COPA: variants seen among roughly 807,000 people sequenced by gnomAD.
The protein encoded by COPA is coat protein complex I subunit alpha, also known as coatomer subunit alpha.
In COPA, 10 loss-of-function variants were observed where a neutral mutation model predicts 158.7. That is an observed-to-expected ratio of 0.06 (90% CI 0.04 to 0.11). The LOEUF (loss-of-function observed/expected upper bound fraction) is 0.11. Ranked by LOEUF, COPA falls within the 10% of genes least tolerant of loss-of-function variation. The pLI, the probability that COPA is intolerant of heterozygous loss-of-function variation, is 1.00. For synonymous variants in COPA, 462 were observed against 542.8 expected, an observed-to-expected ratio of 0.85 and a Z score of 2.07; for missense variants, 1,065 against 1,536.7, an observed-to-expected ratio of 0.69 and a Z score of 5.13.
intron 15 of COPA, chr1:160,306,042 C>G: frequency 1.7e-6 from 1 of 572,774 alleles, no homozygotes; most frequent in East Asian, 2.9e-5. Context: ...CACCACTGGA[C>G]TGCAAGCTCC....
In COPA at chr1:160,335,309, T is replaced by C; in HGVS notation, c.242A>G (p.Lys81Arg). Residue 81 changes from lysine (K) to arginine (R), a missense_variant, in exon 4 of 33, where the codon AAG becomes AGG. Physicochemically the swap from Lys to Arg is conservative, Grantham distance 26. Coordinates refer to ENST00000241704, the MANE Select transcript of COPA (RefSeq NM_004371.4). ...CAATGTGAAAAGACAGCGCCGAAGC[T>C]TGTAATTCCAAACCTGCAAAGACAA... ...DDYKIKVWNY[K>R]LRRCLFTLLG... is the part of the protein sequence containing the mutation. 1.2e-6 allele frequency: 2 copies of C among 1,611,086 alleles called. No individual in the cohort carries two copies. Among genetic ancestry groups the C allele is most frequent in the Non-Finnish European group, 1.7e-6 (2 of 1,178,638 alleles).
At chr1:160,316,870 G>C (rs1284662810) in intron 8 of COPA, among the ~76,000 whole-genome samples, 4 of 152,008 alleles carry the variant, frequency 2.6e-5, no homozygotes, top group Non-Finnish European at 5.9e-5. Context: ...GAAATATCCA[G>C]GTACAGGAAG....
At chr1:160,330,638 G>A (rs962619054) in intron 6 of COPA, among the ~76,000 whole-genome samples, 7 of 152,120 alleles carry the variant, frequency 4.6e-5, no homozygotes, top group African/African-American at 1.7e-4. Context: ...TTTTCAGCTT[G>A]CTGTTCATTA....
chr1:160,300,682 G>C (rs1363955555), intron 17 of COPA, among the ~76,000 whole-genome samples: 1 of 152,068 alleles, frequency 6.6e-6, no homozygotes, highest in Non-Finnish European at 1.5e-5. Context: ...AGTAAGAAAA[G>C]GGAAAATTAC....
At position 160,298,880 on chromosome 1, in the gene COPA, G is replaced by A. The variant is rs1049665620; in HGVS notation, c.1942C>T (p.Arg648Cys). Residue 648 changes from arginine to cysteine, a missense_variant, in exon 19 of 33, where the codon CGC becomes TGC. Physicochemically the swap from Arg to Cys is radical, Grantham distance 180 (BLOSUM62 -3). Around this residue, in one of 2 missense-constraint regions of COPA, gnomAD observed 980 missense variants for 1,357.8 expected, o/e 0.72. Coordinates refer to ENST00000241704, the MANE Select transcript of COPA (RefSeq NM_004371.4). Reference sequence around the variant, plus strand: ...CCACACTCCAGTGCCAGACTAAAGCGAGTTTTCTCATCCTTGACAAAATGC... The same window carrying A: ...CCACACTCCAGTGCCAGACTAAAGCAAGTTTTCTCATCCTTGACAAAATGC... ...ALHFVKDEKTRFSLALECGNI... is the reference protein window; with the variant it reads ...ALHFVKDEKTCFSLALECGNI... 20 of 1,613,978 alleles carry A rather than the reference G, an allele frequency of 1.2e-5. No homozygotes were observed. Among genetic ancestry groups the A allele is most frequent in the African/African-American group, 2.7e-5 (2 of 74,890 alleles).
intron 12 of COPA, 28 bp from the exon 13 acceptor site, chr1:160,309,204 G>C: frequency 6.4e-7 from 1 of 1,565,044 alleles, no homozygotes; most frequent in Non-Finnish European, 8.8e-7. Flanking sequence ...AAATTAAAAT[G>C]TTAGTGAGAA....
rs1658763770 is a variant in COPA at position 160,305,721 on chromosome 1, C to G, written c.1495G>C (p.Asp499His). The G allele has an allele frequency of 6.2e-7, 1 of 1,614,140 alleles. No individual in the cohort carries two copies. Among genetic ancestry groups the G allele is most frequent in the East Asian group, 2.2e-5 (1 of 44,886 alleles). Residue 499 changes from aspartate to histidine, a missense_variant, in exon 16 of 33, where the codon GAC (aspartate) becomes CAC (histidine). By Grantham distance (81) the Asp-to-His change is moderately conservative. This residue lies in a region of COPA where 980 missense variants were observed against 1,357.8 expected (regional missense o/e 0.72). Coordinates refer to ENST00000241704, the MANE Select transcript of COPA (RefSeq NM_004371.4). Reference protein sequence around the residue: ...SKVKYVIWSADMSHVALLAKH... With the variant: ...SKVKYVIWSAHMSHVALLAKH... Reference sequence around the variant, plus strand: ...GCTAGTAGTGCTACATGTGACATGTCTGCTGACCAGATAACGTATTTCACT... The same window carrying G: ...GCTAGTAGTGCTACATGTGACATGTGTGCTGACCAGATAACGTATTTCACT...
At chr1:160,320,317 T>C (rs1409457298) in intron 8 of COPA, among the ~76,000 whole-genome samples, 1 of 151,900 alleles carries the variant, frequency 6.6e-6, no homozygotes, top group Non-Finnish European at 1.5e-5. Flanking sequence ...CCTACAAAGA[T>C]TGAACCACGA....
At chr1:160,318,915 T>C (rs372975963) in intron 8 of COPA, among the ~76,000 whole-genome samples, 1 of 151,442 alleles carries the variant, frequency 6.6e-6, no homozygotes, top group Non-Finnish European at 1.5e-5. Context: ...TTAAGACATA[T>C]TACCAAAGAA....
At chr1:160,329,785 T>C (rs1647417935) in intron 6 of COPA, among the ~76,000 whole-genome samples, 1 of 152,164 alleles carries the variant, frequency 6.6e-6, no homozygotes, top group Admixed American at 6.5e-5. Flanking sequence ...AGCACTTAAT[T>C]CTCTCACAGA....
intron 9 of COPA, 94 bp downstream of exon 9, chr1:160,313,896 T>A (rs899837650): frequency 9.3e-6 from 11 of 1,183,534 alleles, no homozygotes; most frequent in Non-Finnish European, 1.3e-5. Context: ...TTTGTCTACA[T>A]GCTGAAGATG....
intron 6 of COPA, among the ~76,000 whole-genome samples, chr1:160,327,248 A>C (rs1430800192): frequency 6.6e-6 from 1 of 152,212 alleles, no homozygotes; most frequent in Non-Finnish European, 1.5e-5. Flanking sequence ...TGAAAATAAA[A>C]CCTAAAGGCT....
chr1:160,290,268 C>G, intron 32 of COPA, 52 bp from the exon 33 acceptor site: 2 of 1,601,106 alleles, frequency 1.2e-6, no homozygotes, highest in Non-Finnish European at 1.7e-6. Flanking sequence ...GATTGAGAAC[C>G]CTAGAAAATG....
intron 20 of COPA, 38 bp from the exon 21 acceptor site, chr1:160,297,476 CT>C: frequency 6.2e-7 from 1 of 1,612,306 alleles, no homozygotes; most frequent in Admixed American, 1.7e-5. Context: ...GGTCTTTTCT[CT>C]TAAGTTCTCT....
chr1:160,319,896 T>C (rs987434698), intron 8 of COPA, among the ~76,000 whole-genome samples: 2 of 86,206 alleles, frequency 2.3e-5, no homozygotes, highest in African/African-American at 9.2e-5. Context: ...ATGAAGTTTA[T>C]AACATAAACA....
Position 160,323,477 on chromosome 1 carries a change from A to C in COPA, c.660T>G (p.Ile220Met), listed in dbSNP as rs1571174198. ...WAAFHPTMPL[I>M]VSGADDRQVK... ...CTTGACGATCATCTGCCCCAGATAC[A>C]ATAAGGGGCATAGTGGGGTGGAAGG... The change falls in exon 8 of 33, where the codon ATT (isoleucine) becomes ATG (methionine). Residue 220 changes from isoleucine to methionine, a missense_variant. Around this residue, in one of 2 missense-constraint regions of COPA, gnomAD observed 980 missense variants for 1,357.8 expected, o/e 0.72. Coordinates refer to ENST00000241704, the MANE Select transcript of COPA (RefSeq NM_004371.4). 3.1e-6 allele frequency: 5 copies of C among 1,611,002 alleles called. No individual in the cohort carries two copies. The East Asian group carries it at 1.1e-4, about 36-fold the overall frequency.
At chr1:160,296,270 T>C in intron 21 of COPA, 121 bp from the exon 22 acceptor site, 1 of 741,186 alleles carries the variant, frequency 1.3e-6, no homozygotes, top group South Asian at 1.6e-5. Flanking sequence ...TGTTGCAAAA[T>C]ACCCACCTCT....
intron 11 of COPA, among the ~76,000 whole-genome samples, chr1:160,311,360 C>A (rs1371922436): frequency 6.6e-6 from 1 of 151,968 alleles, no homozygotes; most frequent in Non-Finnish European, 1.5e-5. Flanking sequence ...ATTGCTTGAA[C>A]CCAGGAGGTG....
intron 31 of COPA, among the ~76,000 whole-genome samples, chr1:160,291,020 G>A (rs1032384747): frequency 1.3e-5 from 2 of 152,156 alleles, no homozygotes; most frequent in Non-Finnish European, 1.5e-5. Context: ...GTAATGAGAT[G>A]TGTATGTGAA....
Sources: gnomAD v4.1 joint callset for allele counts (sites outside exome capture counted in the v4.1 genomes callset) on GRCh38, gnomAD v4.1.1 for gene constraint, gnomAD v4.1.1 regional missense constraint, MANE v1.5 for transcripts, NCBI Gene and HGNC (gene_info 2026-07-23, HGNC 2026-07-21) for gene names.